LIN52: variants seen among roughly 807,000 people sequenced by gnomAD.
The protein encoded by LIN52 is protein lin-52 homolog.
A neutral mutation model predicts 18.5 loss-of-function variants in LIN52; 4 were observed. That is an observed-to-expected ratio of 0.22 (90% CI 0.11 to 0.49). The LOEUF (loss-of-function observed/expected upper bound fraction) is 0.49, where lower values mean the gene tolerates loss of function less well. Among genes scored for constraint, LIN52 ranks in the 20% least tolerant of loss-of-function variants. LIN52 has a pLI of 0.97. For synonymous variants in LIN52, 34 were observed against 45.5 expected, an observed-to-expected ratio of 0.75 and a Z score of 1.02; for missense variants, 102 against 139.5, an observed-to-expected ratio of 0.73 and a Z score of 1.35.
At chr14:74,142,540 C>T (rs1489229914) in intron 5 of LIN52, among the ~76,000 whole-genome samples, 1 of 151,864 alleles carries the variant, frequency 6.6e-6, no homozygotes, top group Non-Finnish European at 1.5e-5. Flanking sequence ...CCACTAACTG[C>T]ATGTGTTTGT....
intron 5 of LIN52, among the ~76,000 whole-genome samples, chr14:74,158,825 A>G (rs148150364): frequency 4.6e-5 from 7 of 152,352 alleles, no homozygotes; most frequent in African/African-American, 1.7e-4. Flanking sequence ...ATTTAACTCT[A>G]TCACCACAGT....
intron 5 of LIN52, among the ~76,000 whole-genome samples, chr14:74,157,620 C>T (rs1410239985): frequency 6.6e-6 from 1 of 151,958 alleles, no homozygotes; most frequent in African/African-American, 2.4e-5. Flanking sequence ...ACCACCACAC[C>T]TGGCTCATTT....
intron 5 of LIN52, among the ~76,000 whole-genome samples, chr14:74,159,664 T>G (rs746262081): frequency 6.6e-6 from 1 of 150,790 alleles, no homozygotes; most frequent in African/African-American, 2.4e-5. Flanking sequence ...CTCCACCTCC[T>G]GGGTTCAAGT....
rs1359020713 is a variant in LIN52, at chr14:74,135,864, T to C, written c.283+34626T>C. On this transcript the variant is annotated intron_variant, in intron 5 of 5. Coordinates refer to ENST00000555028, the MANE Select transcript of LIN52 (RefSeq NM_001024674.3). ...TAAAACATTTTTTTTAATAACACTT[T>C]GTTGAGATATCATTCACATACCATA... Among the ~76,000 whole-genome samples, 4 of 152,154 alleles carry C rather than the reference T, an allele frequency of 2.6e-5. No homozygotes were observed. In the East Asian group the frequency reaches 7.7e-4, roughly 29 times the overall value.
At chr14:74,189,347 C>T (rs1595192684) in intron 5 of LIN52, among the ~76,000 whole-genome samples, 1 of 152,076 alleles carries the variant, frequency 6.6e-6, no homozygotes, top group East Asian at 1.9e-4. Context: ...AAAGTTCTAG[C>T]CCCCAGAGTA....
rs531882268 is a variant in LIN52, at chr14:74,118,583, G to A, written c.283+17345G>A. On this transcript the variant is annotated intron_variant, in intron 5 of 5. Transcript: ENST00000555028. ...GAGCTCAGGAATTCCAGACCAGCCT[G>A]GGCAACATGATAAAATCCAGTGTCT... Among the ~76,000 whole-genome samples the A allele has an allele frequency of 3.3e-5, 5 of 152,184 alleles. No homozygotes were observed. In the South Asian group the frequency reaches 1.0e-3, roughly 32 times the overall value.
intron 5 of LIN52, among the ~76,000 whole-genome samples, chr14:74,167,048 T>G (rs756408563): frequency 4.0e-5 from 6 of 151,326 alleles, no homozygotes; most frequent in Non-Finnish European, 7.4e-5. Flanking sequence ...CATCAAGGCA[T>G]GTATCCCCAA....
intron 5 of LIN52, among the ~76,000 whole-genome samples, chr14:74,191,826 G>A (rs572488107): frequency 2.6e-5 from 4 of 152,094 alleles, no homozygotes; most frequent in African/African-American, 9.6e-5. Context: ...TAGTAGAGAT[G>A]GAGTTTCACC....
chr14:74,091,521 C>A (rs181179675), intron 2 of LIN52, among the ~76,000 whole-genome samples: 1 of 152,050 alleles, frequency 6.6e-6, no homozygotes, highest in Admixed American at 6.5e-5. Flanking sequence ...GTAATCCCAG[C>A]ACTTTGGGAG....
intron 5 of LIN52, among the ~76,000 whole-genome samples, chr14:74,178,723 G>A (rs1317495110): frequency 1.3e-5 from 2 of 151,428 alleles, no homozygotes; most frequent in Non-Finnish European, 2.9e-5. Context: ...ACCTCCCAAA[G>A]TGCTGGGATT....
intron 5 of LIN52, among the ~76,000 whole-genome samples, chr14:74,148,794 A>G (rs907707794): frequency 6.6e-6 from 1 of 152,206 alleles, no homozygotes; most frequent in African/African-American, 2.4e-5. Flanking sequence ...CAGTATGTTA[A>G]GGGGGCGAAG....
intron 5 of LIN52, among the ~76,000 whole-genome samples, chr14:74,115,377 A>G (rs1416161620): frequency 2.0e-5 from 3 of 152,032 alleles, no homozygotes. Context: ...TCTTGATCCT[A>G]TCTGTTGATG....
chr14:74,091,631 G>A (rs2060772717), intron 2 of LIN52, among the ~76,000 whole-genome samples: 1 of 151,832 alleles, frequency 6.6e-6, no homozygotes. Flanking sequence ...AATATTAGCT[G>A]GATGTGGTGG....
At chr14:74,140,344 T>C (rs966441042) in intron 5 of LIN52, among the ~76,000 whole-genome samples, 1 of 152,178 alleles carries the variant, frequency 6.6e-6, no homozygotes, top group Non-Finnish European at 1.5e-5. Context: ...CCTCGATCCA[T>C]ATTAAACCTG....
intron 5 of LIN52, among the ~76,000 whole-genome samples, chr14:74,160,082 G>A (rs752507956): frequency 6.6e-5 from 10 of 152,122 alleles, no homozygotes; most frequent in Non-Finnish European, 1.5e-4. Context: ...TCCTTATTTG[G>A]AGATAGGCTC....
At chr14:74,151,490 C>G (rs558663039) in intron 5 of LIN52, among the ~76,000 whole-genome samples, 2 of 149,698 alleles carry the variant, frequency 1.3e-5, no homozygotes, top group South Asian at 4.2e-4. Flanking sequence ...GATTAGGATG[C>G]AGTTGAGCAG....
chr14:74,088,873 G>GTAC (rs1350704700), intron 1 of LIN52, among the ~76,000 whole-genome samples: 1 of 152,192 alleles, frequency 6.6e-6, no homozygotes, highest in Non-Finnish European at 1.5e-5. Context: ...TTAATATTGA[G>GTAC]TACTACTGTG....
At chr14:74,171,227 C>T (rs769480346) in intron 5 of LIN52, among the ~76,000 whole-genome samples, 23 of 151,672 alleles carry the variant, frequency 1.5e-4, no homozygotes, top group Non-Finnish European at 7.4e-5. Context: ...AAAAATTTGC[C>T]AGGTGTGGTA....
chr14:74,099,839 C>A (rs1428787655), intron 4 of LIN52, among the ~76,000 whole-genome samples: 1 of 152,028 alleles, frequency 6.6e-6, no homozygotes, highest in Admixed American at 6.6e-5. Context: ...CTGGGTGGTA[C>A]CAACTGATCC....
Sources: allele counts gnomAD v4.1 joint callset (sites outside exome capture counted in the v4.1 genomes callset), GRCh38; gene constraint gnomAD v4.1.1; transcripts MANE v1.5; gene names NCBI Gene and HGNC (gene_info 2026-07-23, HGNC 2026-07-21).